The following LAPTM4B variants were observed in gnomAD, a reference collection of about 807,000 sequenced individuals.
LAPTM4B encodes the protein lysosomal protein transmembrane 4 beta.
LAPTM4B carries 26 observed loss-of-function variants against 28.5 expected under a neutral mutation model. That is an observed-to-expected ratio of 0.91 (90% confidence interval 0.67 to 1.27). LAPTM4B has a LOEUF of 1.27. Among genes scored for constraint, LAPTM4B ranks in the 50% most tolerant of loss-of-function variants. The probability of loss-of-function intolerance (pLI) is 0.00; values close to 1 mark genes in which losing one functional copy is unlikely to be tolerated. For synonymous variants in LAPTM4B, 109 were observed against 106.4 expected (o/e 1.02, Z -0.15); for missense variants, 288 against 285.8 (o/e 1.01, Z -0.06).
chr8:97,836,184 AGTTTT>A (rs977977404), intron 6 of LAPTM4B, among the ~76,000 whole-genome samples: 1 of 151,988 alleles, frequency 6.6e-6, no homozygotes, highest in African/African-American at 2.4e-5. Flanking sequence ...ATTCAAATTA[AGTTTT>A]GTTTTGTTTT....
At chr8:97,809,498 G>A (rs1430022055) in intron 2 of LAPTM4B, among the ~76,000 whole-genome samples, 4 of 152,056 alleles carry the variant, frequency 2.6e-5, no homozygotes, top group Admixed American at 6.5e-5. Context: ...TCAGGAGTTC[G>A]AGATCAGCCT....
intron 6 of LAPTM4B, among the ~76,000 whole-genome samples, chr8:97,842,219 CA>C (rs59453372): frequency 0.31 from 47,481 of 151,932 alleles, 8,343 homozygotes; most frequent in Non-Finnish European, 0.41. Context: ...TCACATGTCG[CA>C]AAACATTTTT....
chr8:97,799,482 A>C (rs561144643), intron 1 of LAPTM4B, among the ~76,000 whole-genome samples: 3 of 152,222 alleles, frequency 2.0e-5, no homozygotes, highest in Non-Finnish European at 4.4e-5. Context: ...CAATACAAAA[A>C]TAACATGGTT....
At chr8:97,810,447 G>A (rs552704507) in intron 2 of LAPTM4B, among the ~76,000 whole-genome samples, 2 of 152,312 alleles carry the variant, frequency 1.3e-5, no homozygotes, top group African/African-American at 4.8e-5. Flanking sequence ...CTACAGCTAG[G>A]TAAATTGTTA....
rs546125125 is a variant in LAPTM4B at position 97,787,392 on chromosome 8, T to A, written c.99+11284T>A. On this transcript the variant is annotated intron_variant, in intron 1 of 6. Transcript: ENST00000521545. ...GCTCCGCCTCCCAGGTTCACGCCAT[T>A]CTCCTGCCTCAGCCTCCCGAGTAGC... Among the ~76,000 whole-genome samples the A allele has an allele frequency of 7.9e-5, 12 of 151,582 alleles. 1 individual carries two copies. The highest frequency in any genetic ancestry group is 5.9e-4 in the Admixed American group (9 of 15,144).
chr8:97,784,137 T>C lies in LAPTM4B; in HGVS notation c.99+8029T>C, dbSNP rs74682314. On this transcript the variant is annotated intron_variant, in intron 1 of 6. Transcript: ENST00000521545. ...CGGTGGGCATTCACATTTGTTCTTA[T>C]TTAGACCTCAAAGCAACCCTGGGTC... Among the ~76,000 whole-genome samples the C allele has an allele frequency of 6.1e-3, 928 of 152,310 alleles. 10 individuals carry two copies. Among genetic ancestry groups the C allele is most frequent in the African/African-American group, 0.021 (886 of 41,566 alleles).
At chr8:97,808,580 T>C (rs1375309878) in intron 2 of LAPTM4B, among the ~76,000 whole-genome samples, 2 of 152,098 alleles carry the variant, frequency 1.3e-5, no homozygotes, top group African/African-American at 4.8e-5. Context: ...AAAACACATA[T>C]AAAAGAAGTT....
rs1299425767 is a variant in LAPTM4B at position 97,823,366 on chromosome 8, TG to T, written c.508-1691del. Among the ~76,000 whole-genome samples, 690 of 123,780 alleles carry T rather than the reference TG, an allele frequency of 5.6e-3. 8 individuals are homozygous for T. Among genetic ancestry groups the T allele is most frequent in the African/African-American group, 0.021 (595 of 28,428 alleles). 81.2% of individuals were successfully genotyped at this position (123,780 alleles called of 152,430 possible). A position where few individuals can be genotyped will look rare whatever the true frequency, so the allele number is the denominator to read the frequency against. On this transcript the variant is annotated intron_variant, in intron 5 of 6. Coordinates refer to ENST00000521545, the MANE Select transcript of LAPTM4B (RefSeq NM_018407.6). The stretch of plus-strand genomic sequence containing the variant: ...ATGGTTTTTTTTTTTGTTTTTTTTT[TG>T]TTGTTGTTGTTGTTGTTGTTTTTTT...
chr8:97,781,434 C>T (rs1311803018), intron 1 of LAPTM4B, among the ~76,000 whole-genome samples: 3 of 151,760 alleles, frequency 2.0e-5, no homozygotes, highest in Admixed American at 6.6e-5. Context: ...CCCACCACTG[C>T]GCTTGGCTAA....
chr8:97,829,816 C>T (rs554028129), intron 6 of LAPTM4B, among the ~76,000 whole-genome samples: 2 of 151,980 alleles, frequency 1.3e-5, no homozygotes, highest in Non-Finnish European at 2.9e-5. Context: ...CCTGCCTCAG[C>T]CTCCTGAGTA....
intron 6 of LAPTM4B, among the ~76,000 whole-genome samples, chr8:97,827,147 C>G (rs947858870): frequency 3.3e-5 from 5 of 152,202 alleles, no homozygotes; most frequent in African/African-American, 1.2e-4. Flanking sequence ...ATCCACAGTT[C>G]CTGGCTCTTA....
At chr8:97,794,381 G>A (rs922794497) in intron 1 of LAPTM4B, among the ~76,000 whole-genome samples, 6 of 152,056 alleles carry the variant, frequency 3.9e-5, no homozygotes, top group African/African-American at 4.8e-5. Context: ...GAAAGTGCTG[G>A]GATTGCAAGC....
chr8:97,816,983 C>T (rs1484329566), intron 4 of LAPTM4B, among the ~76,000 whole-genome samples: 1 of 152,052 alleles, frequency 6.6e-6, no homozygotes, highest in Non-Finnish European at 1.5e-5. Flanking sequence ...AAGTGGAACA[C>T]TGCTGTATAC....
At chr8:97,828,984 C>T (rs1038779404) in intron 6 of LAPTM4B, among the ~76,000 whole-genome samples, 1 of 152,034 alleles carries the variant, frequency 6.6e-6, no homozygotes, top group South Asian at 2.1e-4. Flanking sequence ...AGGTGCCTGT[C>T]CGGTTAGCAG....
intron 6 of LAPTM4B, among the ~76,000 whole-genome samples, chr8:97,849,056 C>G (rs1817477155): frequency 6.6e-6 from 1 of 152,166 alleles, no homozygotes; most frequent in African/African-American, 2.4e-5. Context: ...GCCTATCTTT[C>G]CAACTTCATC....
At chr8:97,802,204 C>G (rs113938313) in intron 1 of LAPTM4B, among the ~76,000 whole-genome samples, 1 of 152,076 alleles carries the variant, frequency 6.6e-6, no homozygotes, top group African/African-American at 2.4e-5. Context: ...AGTAAAGAAA[C>G]AAAAGAATGG....
intron 6 of LAPTM4B, among the ~76,000 whole-genome samples, chr8:97,843,243 A>G (rs913186615): frequency 1.3e-5 from 2 of 152,256 alleles, no homozygotes; most frequent in African/African-American, 2.4e-5. Flanking sequence ...CCTGGCCAAC[A>G]TGGTGAAACC....
At chr8:97,796,174 C>G (rs1390451384) in intron 1 of LAPTM4B, among the ~76,000 whole-genome samples, 1 of 152,230 alleles carries the variant, frequency 6.6e-6, no homozygotes, top group East Asian at 1.9e-4. Flanking sequence ...TTCCTGACCT[C>G]AAGTGATCTA....
At chr8:97,819,106 T>G in intron 4 of LAPTM4B, 34 bp from the exon 5 acceptor site, 250 of 1,261,624 alleles carry the variant, frequency 2.0e-4, no homozygotes, top group Non-Finnish European at 2.6e-4. Flanking sequence ...GAATGATTAA[T>G]GAGATTTGCT....
Sources: gnomAD v4.1 joint callset for allele counts (sites outside exome capture counted in the v4.1 genomes callset) on GRCh38, gnomAD v4.1.1 for gene constraint, MANE v1.5 for transcripts, NCBI Gene and HGNC (gene_info 2026-07-23, HGNC 2026-07-21) for gene names.